ZMYM4: variants seen among roughly 807,000 people sequenced by gnomAD.
The protein encoded by ZMYM4 is zinc finger MYM-type containing 4, also known as zinc finger MYM-type protein 4.
ZMYM4 carries 31 observed loss-of-function variants against 183.2 expected under a neutral mutation model. That is an observed-to-expected ratio of 0.17 (90% confidence interval 0.13 to 0.23). The LOEUF (loss-of-function observed/expected upper bound fraction) is 0.23, where lower values mean the gene tolerates loss of function less well. ZMYM4 is among the 10% of genes least tolerant of loss of function. The pLI is 1.00. For missense variants in ZMYM4, 1,273 were observed against 1,840.3 expected, an observed-to-expected ratio of 0.69 and a Z score of 5.64; for synonymous variants, 592 against 631.2, an observed-to-expected ratio of 0.94 and a Z score of 0.93.
chr1:35,419,811 T>C lies in ZMYM4; in HGVS notation c.*134T>C. 3.5e-6 allele frequency: 3 copies of C among 849,654 alleles called. No individual in the cohort carries two copies. The highest frequency in any genetic ancestry group is 5.5e-6 in the Non-Finnish European group (3 of 540,880). 52.6% of individuals were successfully genotyped at this position (849,654 alleles called of 1,614,324 possible). ...AAGATCATGGAAAACAGATGACTTGTGAACCCCACAGTGTGGATGTGCAAA... is the reference window on the plus strand; with the variant it reads ...AAGATCATGGAAAACAGATGACTTGCGAACCCCACAGTGTGGATGTGCAAA... On this transcript the variant is annotated 3_prime_UTR_variant, in exon 30 of 30. Coordinates refer to ENST00000314607, the MANE Select transcript of ZMYM4 (RefSeq NM_005095.3).
chr1:35,325,621 A>T (rs1216083350), intron 2 of ZMYM4, among the ~76,000 whole-genome samples: 1 of 152,042 alleles, frequency 6.6e-6, no homozygotes, highest in East Asian at 1.9e-4. Flanking sequence ...TTATTCTCAT[A>T]GTTATCATAT....
At chr1:35,412,847 ATAAATT>A (rs1435358901) in intron 26 of ZMYM4, among the ~76,000 whole-genome samples, 2 of 152,162 alleles carry the variant, frequency 1.3e-5, no homozygotes, top group Non-Finnish European at 2.9e-5. Context: ...GTTAGCCAGA[ATAAATT>A]TAAATGGAAA....
intron 1 of ZMYM4, among the ~76,000 whole-genome samples, chr1:35,289,850 C>T (rs1640674698): frequency 6.6e-6 from 1 of 152,138 alleles, no homozygotes; most frequent in African/African-American, 2.4e-5. Context: ...TCCTAAAGAC[C>T]TTTTTAGATT....
At position 35,415,722 on chromosome 1, in the gene ZMYM4, A is replaced by G; in HGVS notation, c.4309+8A>G. 1.2e-6 allele frequency: 2 copies of G among 1,608,282 alleles called. No individual in the cohort carries two copies. The highest frequency in any genetic ancestry group is 2.2e-5 in the South Asian group (2 of 91,028). ...AGCAGGAGTCAGAACCAGGTACGGG[A>G]TACTGTTTGTCAGATTTCTCTTTGA... is the stretch of plus-strand genomic sequence containing the variant. On this transcript the variant is annotated splice_region_variant and intron_variant, in intron 28 of 29. Transcript: ENST00000314607.
chr1:35,276,032 T>G (rs1349692401), intron 1 of ZMYM4, among the ~76,000 whole-genome samples: 1 of 151,938 alleles, frequency 6.6e-6, no homozygotes, highest in African/African-American at 2.4e-5. Flanking sequence ...AAGATAGTCC[T>G]TTTTTTTGTT....
intron 1 of ZMYM4, among the ~76,000 whole-genome samples, chr1:35,276,560 AG>A (rs1477872605): frequency 6.6e-6 from 1 of 152,046 alleles, no homozygotes; most frequent in African/African-American, 2.4e-5. Context: ...CATTTCATTT[AG>A]TTTATATGTT....
chr1:35,380,548 G>A (rs527689936), intron 7 of ZMYM4, among the ~76,000 whole-genome samples: 5 of 152,124 alleles, frequency 3.3e-5, no homozygotes, highest in Admixed American at 6.5e-5. Flanking sequence ...GGATGCTCTC[G>A]ATCTCCTGAC....
intron 5 of ZMYM4, chr1:35,366,146 T>C (rs1460621853): frequency 6.6e-6 from 1 of 152,230 alleles, no homozygotes; most frequent in East Asian, 1.9e-4. Flanking sequence ...ATGTCATGAT[T>C]AGTCGATGTT....
At chr1:35,411,934 G>A (rs531193480) in intron 26 of ZMYM4, among the ~76,000 whole-genome samples, 2 of 152,254 alleles carry the variant, frequency 1.3e-5, no homozygotes, top group South Asian at 2.1e-4. Context: ...CCAGGCTGGA[G>A]TGCAGTGGCA....
intron 7 of ZMYM4, among the ~76,000 whole-genome samples, chr1:35,379,938 C>T (rs1049314202): frequency 6.6e-6 from 1 of 152,172 alleles, no homozygotes; most frequent in Non-Finnish European, 1.5e-5. Flanking sequence ...ATAGTAACAT[C>T]AGTGTTCACT....
chr1:35,385,184 T>C (rs962064321), intron 9 of ZMYM4, among the ~76,000 whole-genome samples: 1 of 152,180 alleles, frequency 6.6e-6, no homozygotes, highest in Non-Finnish European at 1.5e-5. Context: ...TTGGAAAATA[T>C]CAAAGTGCAT....
rs754535076 is a variant in ZMYM4 at position 35,393,748 on chromosome 1, C to G, written c.2911+9C>G. The stretch of plus-strand genomic sequence containing the variant: ...CAAAGAATGCCAGACAGGTATGTTC[C>G]TTGGTCTTTCTTTCTTTATTAATTT... On this transcript the variant is annotated intron_variant, in intron 18 of 29. Coordinates refer to ENST00000314607, the MANE Select transcript of ZMYM4 (RefSeq NM_005095.3). 1 of 1,573,170 alleles carries G rather than the reference C, an allele frequency of 6.4e-7. No homozygotes were observed. The highest frequency in any genetic ancestry group is 1.2e-5 in the South Asian group (1 of 83,186).
rs1429612083 is a variant in ZMYM4, at chr1:35,359,335, T to A, written c.496T>A (p.Phe166Ile). The A allele has an allele frequency of 6.2e-7, 1 of 1,611,032 alleles. No homozygotes were observed. The highest frequency in any genetic ancestry group is 8.5e-7 in the Non-Finnish European group (1 of 1,179,088). The change falls in exon 3 of 30, where the codon TTT becomes ATT. Residue 166 changes from phenylalanine (F) to isoleucine (I), a missense_variant. Coordinates refer to ENST00000314607, the MANE Select transcript of ZMYM4 (RefSeq NM_005095.3). ...SLVRENSKETFSGKEKNRDLT... is the reference protein window; with the variant it reads ...SLVRENSKETISGKEKNRDLT... ...AGTAAGAGAAAACAGCAAAGAGACA[T>A]TTTCTGGAAAGGAGAAAAATAGAGA... is the stretch of plus-strand genomic sequence containing the variant.
Position 35,412,177 on chromosome 1 carries a change from C to T in ZMYM4, c.3949-1795C>T, listed in dbSNP as rs1021674845. ...TACAGGCATGAGCCACCGCACCTGG[C>T]GGGACTTTCTTAATTTCCTGTTTGG... On this transcript the variant is annotated intron_variant, in intron 26 of 29. Coordinates refer to ENST00000314607, the MANE Select transcript of ZMYM4 (RefSeq NM_005095.3). 5.3e-5 allele frequency among the ~76,000 whole-genome samples: 8 copies of T among 151,418 alleles called. No individual in the cohort carries two copies. The South Asian group carries it at 8.3e-4, about 16-fold the overall frequency.
intron 1 of ZMYM4, among the ~76,000 whole-genome samples, chr1:35,280,177 C>CTT (rs574848206): frequency 6.8e-6 from 1 of 148,136 alleles, no homozygotes; most frequent in African/African-American, 2.5e-5. Context: ...CCTCCCTTCC[C>CTT]CCCTTCCCTT....
At chr1:35,326,424 TG>T (rs1439086301) in intron 2 of ZMYM4, among the ~76,000 whole-genome samples, 4 of 152,278 alleles carry the variant, frequency 2.6e-5, no homozygotes, top group African/African-American at 9.6e-5. Context: ...AAGCAAACAT[TG>T]TCAAGAGCAC....
intron 1 of ZMYM4, among the ~76,000 whole-genome samples, chr1:35,291,826 C>G (rs1433532330): frequency 6.6e-6 from 1 of 151,934 alleles, no homozygotes; most frequent in African/African-American, 2.4e-5. Context: ...TTAGTAGATA[C>G]AGGGTTTCAC....
At chr1:35,394,962 A>G (rs1274712921) in intron 18 of ZMYM4, among the ~76,000 whole-genome samples, 2 of 152,048 alleles carry the variant, frequency 1.3e-5, no homozygotes, top group Non-Finnish European at 2.9e-5. Context: ...AAAATTTTTA[A>G]AAGTCCCAGA....
intron 1 of ZMYM4, among the ~76,000 whole-genome samples, chr1:35,277,986 T>C (rs1639955661): frequency 6.6e-6 from 1 of 152,178 alleles, no homozygotes; most frequent in African/African-American, 2.4e-5. Flanking sequence ...AACTGCTACA[T>C]ACTTGGTAGC....
Sources: gnomAD v4.1 joint callset for allele counts (sites outside exome capture counted in the v4.1 genomes callset) on GRCh38, gnomAD v4.1.1 for gene constraint, MANE v1.5 for transcripts, NCBI Gene and HGNC (gene_info 2026-07-23, HGNC 2026-07-21) for gene names.